SACS: variants seen among roughly 807,000 people sequenced by gnomAD.
The protein encoded by SACS is sacsin molecular chaperone.
Under a neutral mutation model 348.0 loss-of-function variants are expected in SACS, and 197 were observed. The observed-to-expected ratio is 0.57, with a 90% CI of 0.50 to 0.64. The LOEUF is 0.64. Ranked by LOEUF, SACS falls within the 30% of genes least tolerant of loss-of-function variation. SACS has a pLI of 0.00. For synonymous variants in SACS, 1,985 were observed against 1,910.6 expected, an observed-to-expected ratio of 1.04 and a Z score of -1.02; for missense variants, 4,999 against 5,360.8, an observed-to-expected ratio of 0.93 and a Z score of 2.11.
intron 2 of SACS, among the ~76,000 whole-genome samples, chr13:23,410,081 G>A (rs1430834515): frequency 6.6e-6 from 1 of 151,630 alleles, no homozygotes; most frequent in Non-Finnish European, 1.5e-5. Flanking sequence ...AAAACTAGGA[G>A]GGAATGCATT....
intron 2 of SACS, among the ~76,000 whole-genome samples, chr13:23,389,010 T>C (rs1872421196): frequency 6.6e-6 from 1 of 152,140 alleles, no homozygotes; most frequent in African/African-American, 2.4e-5. Context: ...TAACATGAGT[T>C]TTCTATGGAC....
Position 23,337,214 on chromosome 13 carries a change from T to C in SACS, c.6662A>G (p.Lys2221Arg). The change falls in exon 10 of 10, where the codon AAA becomes AGA. Residue 2221 changes from lysine to arginine, a missense_variant. By Grantham distance (26) the Lys-to-Arg change is conservative. Coordinates refer to ENST00000382292, the MANE Select transcript of SACS (RefSeq NM_014363.6). ...QTIRFLPFLT[K>R]PAGFSLDWKG... ...CCAGTCCAAAGAAAAACCTGCTGGT[T>C]TTGTCAGAAATGGAAGGAAGCGGAT... is the stretch of plus-strand genomic sequence containing the variant. 1 of 1,613,964 alleles carries C rather than the reference T, an allele frequency of 6.2e-7. No homozygotes were observed.
At chr13:23,389,278 G>A (rs919131739) in intron 2 of SACS, among the ~76,000 whole-genome samples, 1 of 152,102 alleles carries the variant, frequency 6.6e-6, no homozygotes, top group Non-Finnish European at 1.5e-5. Flanking sequence ...CTCCTGAAAT[G>A]ATGTGAAAGG....
chr13:23,356,714 C>A (rs1477755508), intron 7 of SACS, among the ~76,000 whole-genome samples: 3 of 152,278 alleles, frequency 2.0e-5, no homozygotes, highest in South Asian at 2.1e-4. Flanking sequence ...GAAATTCCTC[C>A]CCAGTGTGCT....
At chr13:23,375,612 CA>C in intron 2 of SACS, 1 of 988,654 alleles carries the variant, frequency 1.0e-6, no homozygotes, top group Non-Finnish European at 1.2e-6. Context: ...GGGACACGCC[CA>C]CCCGCCGGGA....
At position 23,340,523 on chromosome 13, in the gene SACS, C is replaced by G. The variant is rs1566070779; in HGVS notation, c.3353G>C (p.Cys1118Ser). 6.2e-7 allele frequency: 1 copy of G among 1,612,112 alleles called. No individual in the cohort carries two copies. Among genetic ancestry groups the G allele is most frequent in the Non-Finnish European group, 8.5e-7 (1 of 1,179,380 alleles). ...CTTCAGAAGAACATCTTGATCAGGA[C>G]AAGCACCGACCTGTAAGGCTTCAAT... ...KKIEALQVGA[C>S]PDQDVLLKKA... The change falls in exon 10 of 10, where the codon TGT becomes TCT. Residue 1118 changes from cysteine to serine, a missense_variant. Physicochemically the swap from Cys to Ser is moderately radical, Grantham distance 112. Transcript: ENST00000382292.
Position 23,334,448 on chromosome 13 carries a change from G to T in SACS, c.9428C>A (p.Ala3143Glu), listed in dbSNP as rs760939657. The T allele has an allele frequency of 1.9e-6, 3 of 1,612,232 alleles. No individual in the cohort carries two copies. The highest frequency in any genetic ancestry group is 1.7e-5 in the Admixed American group (1 of 59,934). The change falls in exon 10 of 10, where the codon GCA (alanine) becomes GAA (glutamate). Residue 3143 changes from alanine (A) to glutamate (E), a missense_variant. Transcript: ENST00000382292. Reference protein sequence around the residue: ...KLLVDYCFKDAEENEIEVEGL... With the variant: ...KLLVDYCFKDEEENEIEVEGL... ...CTCAACTTCAATCTCATTTTCTTCT[G>T]CATCTTTAAAACAATAATCAACTAA...
At chr13:23,424,106 T>C (rs192419518) in intron 1 of SACS, among the ~76,000 whole-genome samples, 2 of 152,128 alleles carry the variant, frequency 1.3e-5, no homozygotes, top group Admixed American at 1.3e-4. Context: ...TATACACATA[T>C]CCACTACTAA....
intron 6 of SACS, among the ~76,000 whole-genome samples, chr13:23,364,159 T>C (rs867663996): frequency 6.6e-5 from 10 of 152,322 alleles, no homozygotes; most frequent in Middle Eastern, 3.4e-3. Flanking sequence ...TAACAAATGC[T>C]AGATATTTAA....
chr13:23,358,225 T>G lies in SACS; in HGVS notation c.604+110A>C. ...TACCTCCTGCTACTGACAGAAGAATTTGGGTAAGATGGCTTTTAAACAGTA... is the reference window on the plus strand; with the variant it reads ...TACCTCCTGCTACTGACAGAAGAATGTGGGTAAGATGGCTTTTAAACAGTA... On this transcript the variant is annotated intron_variant, in intron 7 of 9. Transcript: ENST00000382292. 6.1e-6 allele frequency: 7 copies of G among 1,139,566 alleles called. No individual in the cohort carries two copies. The South Asian group carries it at 7.6e-5, about 12-fold the overall frequency. The allele number at this position is 1,139,566 out of a possible 1,614,324, so 70.6% of individuals were successfully genotyped here. A position where few individuals can be genotyped will look rare whatever the true frequency, so the allele number is the denominator to read the frequency against.
chr13:23,414,571 G>A (rs971938065), intron 1 of SACS, among the ~76,000 whole-genome samples: 7 of 152,154 alleles, frequency 4.6e-5, no homozygotes, highest in African/African-American at 1.2e-4. Flanking sequence ...AAGAATACAT[G>A]TTCTGTAATG....
At chr13:23,402,602 A>G (rs1223524655) in intron 2 of SACS, among the ~76,000 whole-genome samples, 1 of 152,248 alleles carries the variant, frequency 6.6e-6, no homozygotes, top group Non-Finnish European at 1.5e-5. Flanking sequence ...CTGGAATGTC[A>G]TATTTGAGAA....
intron 1 of SACS, among the ~76,000 whole-genome samples, chr13:23,418,315 C>T (rs1873769236): frequency 6.6e-6 from 1 of 152,080 alleles, no homozygotes; most frequent in Admixed American, 6.6e-5. Flanking sequence ...AAGACTATCT[C>T]TGCTTGTAAT....
At chr13:23,390,669 T>C (rs1429232257) in intron 2 of SACS, among the ~76,000 whole-genome samples, 1 of 151,954 alleles carries the variant, frequency 6.6e-6, no homozygotes, top group East Asian at 1.9e-4. Flanking sequence ...CTCAGAAAAA[T>C]AAATAAGAAG....
At chr13:23,375,523 G>T (rs1433347091) in intron 2 of SACS, 8 of 1,097,964 alleles carry the variant, frequency 7.3e-6, no homozygotes, top group Non-Finnish European at 8.9e-6. Context: ...GCTAGAGGAA[G>T]CCGCGGCGGC....
In SACS at chr13:23,333,254, T is replaced by G; in HGVS notation, c.10622A>C (p.Tyr3541Ser). The G allele has an allele frequency of 1.9e-6, 3 of 1,600,716 alleles. No individual in the cohort carries two copies. Among genetic ancestry groups the G allele is most frequent in the Non-Finnish European group, 2.6e-6 (3 of 1,175,044 alleles). Residue 3541 changes from tyrosine (Y) to serine (S), a missense_variant, in exon 10 of 10, where the codon TAT becomes TCT. Transcript: ENST00000382292. ...NSRLKQAKHF[Y>S]DRTVRVFEVM... ...TTCAAAAACTCTCACAGTTCTATCA[T>G]AGAAATGCTTTGCTTGCTTTAGTCT...
chr13:23,361,906 G>A lies in SACS; in HGVS notation c.457+3260C>T, dbSNP rs542607444. 3.9e-5 allele frequency among the ~76,000 whole-genome samples: 6 copies of A among 152,280 alleles called. No individual in the cohort carries two copies. The South Asian group carries it at 1.2e-3, about 32-fold the overall frequency. On this transcript the variant is annotated intron_variant, in intron 6 of 9. Coordinates refer to ENST00000382292, the MANE Select transcript of SACS (RefSeq NM_014363.6). The stretch of plus-strand genomic sequence containing the variant: ...CTTTCCCCAGGGAATACCCAAGAAA[G>A]AAAGAGATGACCCAGCCAAATCTCC...
At chr13:23,408,737 G>A (rs1593177402) in intron 2 of SACS, among the ~76,000 whole-genome samples, 2 of 152,128 alleles carry the variant, frequency 1.3e-5, no homozygotes, top group South Asian at 2.1e-4. Flanking sequence ...AGGCCGAGGC[G>A]GGTGGATCAC....
chr13:23,356,080 A>G, intron 7 of SACS, 73 bp from the exon 8 acceptor site: 1 of 1,288,860 alleles, frequency 7.8e-7, no homozygotes, highest in African/African-American at 1.5e-5. Flanking sequence ...TATAATAAAT[A>G]TATGAAAAAG....
Sources: gnomAD v4.1 joint callset for allele counts (sites outside exome capture counted in the v4.1 genomes callset) on GRCh38, gnomAD v4.1.1 for gene constraint, MANE v1.5 for transcripts, NCBI Gene and HGNC (gene_info 2026-07-23, HGNC 2026-07-21) for gene names.